The following METTL24 variants were observed in gnomAD, a reference collection of about 807,000 sequenced individuals.
METTL24 encodes the protein methyltransferase like 24.
A neutral mutation model predicts 32.7 loss-of-function variants in METTL24; 29 were observed. The ratio of observed to expected loss-of-function variants is 0.89; its 90% CI spans 0.66 to 1.21. The LOEUF (loss-of-function observed/expected upper bound fraction) is 1.21. Ranked by LOEUF, METTL24 falls within the 50% of genes most tolerant of loss-of-function variation. The pLI is 0.00. For synonymous variants in METTL24, 163 were observed against 179.5 expected (o/e 0.91, Z 0.73); for missense variants, 439 against 468.1 (o/e 0.94, Z 0.57).
chr6:110,353,045 A>G (rs1772639288), intron 1 of METTL24, among the ~76,000 whole-genome samples: 1 of 152,176 alleles, frequency 6.6e-6, no homozygotes, highest in Non-Finnish European at 1.5e-5. Context: ...TTGCCCACAG[A>G]ATGCTCTCTG....
intron 4 of METTL24, among the ~76,000 whole-genome samples, chr6:110,260,331 C>T (rs1778470200): frequency 6.6e-6 from 1 of 152,080 alleles, no homozygotes. Flanking sequence ...CAAGCTTTAT[C>T]AGCTGATTCG....
intron 2 of METTL24, among the ~76,000 whole-genome samples, chr6:110,318,651 CAAAA>C (rs56890760): frequency 5.5e-5 from 5 of 90,558 alleles, no homozygotes; most frequent in East Asian, 3.1e-4. Context: ...GACTCTACCT[CAAAA>C]AAAAAAAAAA....
intron 2 of METTL24, among the ~76,000 whole-genome samples, chr6:110,316,840 T>C (rs923041018): frequency 2.0e-5 from 3 of 152,100 alleles, no homozygotes; most frequent in Non-Finnish European, 2.9e-5. Context: ...TGAGCCATGA[T>C]TGTGCCTCTA....
intron 2 of METTL24, among the ~76,000 whole-genome samples, chr6:110,317,028 C>CATTA (rs1407347329): frequency 6.6e-6 from 1 of 152,232 alleles, no homozygotes; most frequent in Non-Finnish European, 1.5e-5. Context: ...ACAGCATCTG[C>CATTA]ATTACTCTTG....
At chr6:110,320,525 G>A (rs573293218) in intron 2 of METTL24, among the ~76,000 whole-genome samples, 1 of 152,258 alleles carries the variant, frequency 6.6e-6, no homozygotes, top group South Asian at 2.1e-4. Context: ...ACCTTATCTG[G>A]CTAAAATGGC....
At chr6:110,278,021 T>C (rs1771076467) in intron 4 of METTL24, among the ~76,000 whole-genome samples, 1 of 152,190 alleles carries the variant, frequency 6.6e-6, no homozygotes, top group African/African-American at 2.4e-5. Context: ...GTTTGTGTTA[T>C]TGTCAGGGAG....
At chr6:110,257,823 G>A (rs1007627117) in intron 4 of METTL24, among the ~76,000 whole-genome samples, 9 of 152,196 alleles carry the variant, frequency 5.9e-5, no homozygotes, top group Non-Finnish European at 1.3e-4. Context: ...GAAGGTATAA[G>A]ATAGTTTTCT....
rs766869550 is a variant in METTL24, at chr6:110,315,358, G to A, written c.541C>T (p.Arg181Cys). The A allele has an allele frequency of 1.6e-5, 26 of 1,614,018 alleles. No homozygotes were observed. Among genetic ancestry groups the A allele is most frequent in the African/African-American group, 4.0e-5 (3 of 74,914 alleles). The change falls in exon 3 of 5, where the codon CGC (arginine) becomes TGC (cysteine). Residue 181 changes from arginine to cysteine, a missense_variant. Transcript: ENST00000338882. ...TGTACTCACCCTAAGGAGTAGAGGC[G>A]GCACTGCTTGTTGCGGATTTGATGA... ...LAHQIRNKQC[R>C]LYSLGLGSDD...
At chr6:110,301,341 C>T (rs939938740) in intron 3 of METTL24, among the ~76,000 whole-genome samples, 1 of 152,198 alleles carries the variant, frequency 6.6e-6, no homozygotes, top group Non-Finnish European at 1.5e-5. Flanking sequence ...GACTTGTCGA[C>T]TCTGCTCCTT....
chr6:110,341,920 T>G (rs772186879), intron 1 of METTL24, among the ~76,000 whole-genome samples: 48 of 152,170 alleles, frequency 3.2e-4, no homozygotes, highest in Non-Finnish European at 6.6e-4. Flanking sequence ...TGTTCCCTTT[T>G]TAACGCAAAA....
chr6:110,295,013 CTTTTTTTTTTTTT>C lies in METTL24; in HGVS notation c.786+3896_786+3908del, dbSNP rs1195740747. ...ATTGCTTTTCTTTTTTTCTTTCTTT[CTTTTTTTTTTTTT>C]TTTTTTTTTTTTTGAGAGAGGGGTC... On this transcript the variant is annotated intron_variant, in intron 4 of 4. Transcript: ENST00000338882. 7.4e-4 allele frequency among the ~76,000 whole-genome samples: 58 copies of C among 78,130 alleles called. 1 individual carries two copies. The highest frequency in any genetic ancestry group is 3.1e-3 in the African/African-American group (56 of 18,334). The allele number at this position is 78,130 out of a possible 152,430, so 51.3% of individuals were successfully genotyped here. A position where few individuals can be genotyped will look rare whatever the true frequency, so the allele number is the denominator to read the frequency against.
intron 4 of METTL24, among the ~76,000 whole-genome samples, chr6:110,246,792 C>CT (rs748892810): frequency 1.3e-5 from 2 of 152,134 alleles, no homozygotes; most frequent in Non-Finnish European, 2.9e-5. Context: ...GGGCTACTGC[C>CT]TGCAGGGACT....
chr6:110,249,698 C>T (rs879867393), intron 4 of METTL24, among the ~76,000 whole-genome samples: 1 of 151,912 alleles, frequency 6.6e-6, no homozygotes. Flanking sequence ...AACAATTATG[C>T]CACTAAAAAT....
chr6:110,319,260 CTGTGTGTGTA>C (rs1771884878), intron 2 of METTL24, among the ~76,000 whole-genome samples: 1 of 136,006 alleles, frequency 7.4e-6, no homozygotes, highest in Non-Finnish European at 1.5e-5. Context: ...GTTTTTATCC[CTGTGTGTGTA>C]TGTGTGTGTG....
intron 4 of METTL24, among the ~76,000 whole-genome samples, chr6:110,295,800 A>AGGAAGGAAGGAAGGAG (rs1236526769): frequency 8.4e-6 from 1 of 119,572 alleles, no homozygotes. Flanking sequence ...AAAGAAAGGA[A>AGGAAGGAAGGAAGGAG]GGAAGGAAGG....
intron 4 of METTL24, among the ~76,000 whole-genome samples, chr6:110,282,735 C>A: frequency 6.6e-6 from 1 of 151,002 alleles, no homozygotes; most frequent in Non-Finnish European, 1.5e-5. Flanking sequence ...CATTTCAGAC[C>A]AACAACTGAT....
chr6:110,354,094 G>C (rs1432527651), intron 1 of METTL24, among the ~76,000 whole-genome samples: 3 of 152,138 alleles, frequency 2.0e-5, no homozygotes, highest in Non-Finnish European at 4.4e-5. Flanking sequence ...GAATATATAG[G>C]TTCCAGGGTG....
intron 1 of METTL24, among the ~76,000 whole-genome samples, chr6:110,324,189 G>A (rs576240522): frequency 1.4e-4 from 21 of 152,178 alleles, no homozygotes; most frequent in Non-Finnish European, 2.6e-4. Context: ...CAATACCAGC[G>A]CTTTGGAAGT....
intron 3 of METTL24, among the ~76,000 whole-genome samples, chr6:110,303,202 AG>A (rs1771568734): frequency 6.6e-6 from 1 of 152,136 alleles, no homozygotes; most frequent in African/African-American, 2.4e-5. Context: ...CTACACCACC[AG>A]AGCCCTGGGT....
Sources: allele counts gnomAD v4.1 joint callset (sites outside exome capture counted in the v4.1 genomes callset), GRCh38; gene constraint gnomAD v4.1.1; transcripts MANE v1.5; gene names NCBI Gene and HGNC (gene_info 2026-07-23, HGNC 2026-07-21).